Variants in CREB5 observed in about 807,000 individuals in gnomAD.
CREB5 encodes cyclic AMP-responsive element-binding protein 5.
In CREB5, 19 loss-of-function variants were observed where a neutral mutation model predicts 57.1. The observed-to-expected ratio is 0.33, with a 90% CI of 0.23 to 0.49. The LOEUF is 0.49. CREB5 is among the 20% of genes least tolerant of loss of function. The probability of loss-of-function intolerance (pLI) is 0.99; values close to 1 mark genes in which losing one functional copy is unlikely to be tolerated. For missense variants in CREB5, 579 were observed against 671.6 expected (o/e 0.86, Z 1.52); for synonymous variants, 238 against 238.3 (o/e 1.00, Z 0.01).
chr7:28,613,366 T>C (rs770252102), intron 5 of CREB5, among the ~76,000 whole-genome samples: 5 of 152,186 alleles, frequency 3.3e-5, no homozygotes, highest in Non-Finnish European at 7.3e-5. Context: ...GGCAGAAGCC[T>C]GAGTGGGAAC....
chr7:28,796,874 C>T (rs1391703251), intron 7 of CREB5, among the ~76,000 whole-genome samples: 1 of 152,152 alleles, frequency 6.6e-6, no homozygotes, highest in Non-Finnish European at 1.5e-5. Flanking sequence ...AAGACTAGCT[C>T]TGGCTCTCAG....
At chr7:28,815,335 A>G (rs1809371367) in intron 9 of CREB5, among the ~76,000 whole-genome samples, 1 of 152,192 alleles carries the variant, frequency 6.6e-6, no homozygotes, top group South Asian at 2.1e-4. Context: ...AATGATGGTC[A>G]GTTGTCTCAA....
At chr7:28,722,620 G>T (rs1391238918) in intron 6 of CREB5, among the ~76,000 whole-genome samples, 2 of 152,254 alleles carry the variant, frequency 1.3e-5, no homozygotes, top group South Asian at 4.1e-4. Flanking sequence ...AAAATTAGCT[G>T]TTCAGAGATT....
At chr7:28,685,707 C>T (rs1406123882) in intron 5 of CREB5, among the ~76,000 whole-genome samples, 2 of 147,148 alleles carry the variant, frequency 1.4e-5, no homozygotes, top group African/African-American at 2.5e-5. Flanking sequence ...TTTTTGTTTC[C>T]AGCAGAACCA....
chr7:28,480,902 G>T (rs891083926), intron 1 of CREB5, among the ~76,000 whole-genome samples: 5 of 152,128 alleles, frequency 3.3e-5, no homozygotes. Flanking sequence ...ACAGGATTAT[G>T]TGAAACAAAA....
At chr7:28,644,153 A>AAGAAAGAAAGAAAG (rs922635451) in intron 5 of CREB5, among the ~76,000 whole-genome samples, 66 of 151,714 alleles carry the variant, frequency 4.4e-4, no homozygotes, top group African/African-American at 1.5e-3. Flanking sequence ...AGAAAAGAAA[A>AAGAAAGAAAGAAAG]AGAAAGAAAG....
intron 1 of CREB5, among the ~76,000 whole-genome samples, chr7:28,429,724 C>T (rs773607355): frequency 2.0e-5 from 3 of 152,178 alleles, no homozygotes; most frequent in Non-Finnish European, 2.9e-5. Flanking sequence ...CTCCTGTTTC[C>T]TGGTCAGCTA....
rs1808944202 is a variant in CREB5 at position 28,809,219 on chromosome 7, C to A, written c.1059C>A (p.Thr353=). 1 of 1,613,752 alleles carries A rather than the reference C, an allele frequency of 6.2e-7. No homozygotes were observed. The highest frequency in any genetic ancestry group is 1.3e-5 in the African/African-American group (1 of 74,904). ...CAGCAACACAACAGATGCAGCCAAC[C>A]CAGACAATACAGCCACCCCAGCCCA... ...VSPATQQMQP[T]QTIQPPQPTG... Residue 353 remains threonine, a synonymous_variant, in exon 9 of 11, where the codon ACC becomes ACA. Transcript: ENST00000357727.
intron 1 of CREB5, among the ~76,000 whole-genome samples, chr7:28,403,734 T>G (rs1787522626): frequency 6.6e-6 from 1 of 152,142 alleles, no homozygotes; most frequent in African/African-American, 2.4e-5. Context: ...GACACATAAT[T>G]TTTGAATCCA....
Position 28,368,160 on chromosome 7 carries a change from G to A in CREB5, c.-25+68719G>A, listed in dbSNP as rs945961850. 4.6e-5 allele frequency among the ~76,000 whole-genome samples: 7 copies of A among 152,136 alleles called. No individual in the cohort carries two copies. The East Asian group carries it at 7.7e-4, about 17-fold the overall frequency. ...ACTCAGGAATGGAAAACCAAATACC[G>A]CATGTTCTCACTTATAAGTGGGGGC... On this transcript the variant is annotated intron_variant, in intron 1 of 9. Transcript: ENST00000396299.
At chr7:28,784,320 T>A (rs1807178597) in intron 7 of CREB5, among the ~76,000 whole-genome samples, 1 of 143,650 alleles carries the variant, frequency 7.0e-6, no homozygotes, top group Non-Finnish European at 1.5e-5. Context: ...ATAAGCCAGC[T>A]AATTGAATTA....
At chr7:28,810,422 C>T (rs1809043425) in intron 9 of CREB5, among the ~76,000 whole-genome samples, 1 of 152,072 alleles carries the variant, frequency 6.6e-6, no homozygotes, top group Non-Finnish European at 1.5e-5. Context: ...TGGCCTACAC[C>T]TGTAATCCCA....
At chr7:28,384,946 A>G (rs1466204765) in intron 1 of CREB5, among the ~76,000 whole-genome samples, 1 of 152,340 alleles carries the variant, frequency 6.6e-6, no homozygotes, top group East Asian at 1.9e-4. Context: ...GATGTTTAAT[A>G]TTCCAAATTC....
At chr7:28,771,540 T>C (rs1181502510) in intron 7 of CREB5, among the ~76,000 whole-genome samples, 1 of 152,022 alleles carries the variant, frequency 6.6e-6, no homozygotes, top group Non-Finnish European at 1.5e-5. Context: ...CATGAACACA[T>C]GAGATGGTTC....
chr7:28,524,650 A>G (rs575978473), intron 4 of CREB5, among the ~76,000 whole-genome samples: 2 of 152,332 alleles, frequency 1.3e-5, no homozygotes, highest in East Asian at 3.9e-4. Context: ...AAATGCTTCT[A>G]TTCATTCAAC....
At chr7:28,631,532 A>G (rs1798201110) in intron 5 of CREB5, among the ~76,000 whole-genome samples, 1 of 152,164 alleles carries the variant, frequency 6.6e-6, no homozygotes, top group African/African-American at 2.4e-5. Flanking sequence ...TGCAGATGAA[A>G]GAGATGCCAG....
At position 28,805,909 on chromosome 7, in the gene CREB5, C is replaced by A. The variant is rs148641577; in HGVS notation, c.1026+1387C>A. 6.2e-3 allele frequency among the ~76,000 whole-genome samples: 949 copies of A among 151,924 alleles called. 13 individuals are homozygous for A. The highest frequency in any genetic ancestry group is 0.03 in the Admixed American group (457 of 15,262). ...GTGTTCAAAATATGTTATTCCAAAC[C>A]AGTAGAAGTTTAGCAAATTGTATAG... On this transcript the variant is annotated intron_variant, in intron 8 of 10. Transcript: ENST00000357727.
intron 4 of CREB5, among the ~76,000 whole-genome samples, chr7:28,543,111 C>T (rs1794270373): frequency 6.6e-6 from 1 of 152,088 alleles, no homozygotes; most frequent in South Asian, 2.1e-4. Flanking sequence ...TTTTCTCTCT[C>T]CTCTTGAACA....
intron 1 of CREB5, among the ~76,000 whole-genome samples, chr7:28,485,645 C>T (rs1791515811): frequency 6.6e-6 from 1 of 151,966 alleles, no homozygotes; most frequent in South Asian, 2.1e-4. Flanking sequence ...AAGGTATGGA[C>T]CTTAGGCATG....
Sources: allele counts gnomAD v4.1 joint callset (sites outside exome capture counted in the v4.1 genomes callset), GRCh38; gene constraint gnomAD v4.1.1; transcripts MANE v1.5; gene names NCBI Gene and HGNC (gene_info 2026-07-23, HGNC 2026-07-21).